FAM171A1: variants seen among roughly 807,000 people sequenced by gnomAD.
FAM171A1 encodes family with sequence similarity 171 member A1, also known as protein FAM171A1.
FAM171A1 carries 23 observed loss-of-function variants against 74.9 expected under a neutral mutation model. That is an observed-to-expected ratio of 0.31 (90% CI 0.22 to 0.44). The LOEUF is 0.44. Among genes scored for constraint, FAM171A1 ranks in the 20% least tolerant of loss-of-function variants. The pLI is 1.00. For synonymous variants in FAM171A1, 527 were observed against 505.7 expected (o/e 1.04, Z -0.57); for missense variants, 1,162 against 1,159.2 (o/e 1.00, Z -0.03).
Position 15,213,485 on chromosome 10 carries a change from C to G in FAM171A1, c.2103G>C (p.Pro701=). The part of the protein sequence containing the change: ...KALMELGGGK[P]LPHPRAWFVS... Reference sequence around the variant, plus strand: ...CGAACCACGCCCGGGGGTGCGGAAGCGGCTTCCCACCCCCAAGCTCCATCA... The same window carrying G: ...CGAACCACGCCCGGGGGTGCGGAAGGGGCTTCCCACCCCCAAGCTCCATCA... Residue 701 remains proline, a synonymous_variant, in exon 8 of 8, where the codon CCG becomes CCC. Transcript: ENST00000378116. This position sits in a 1 kb window ranked among gnomAD's most constrained non-coding sequence, Gnocchi z 6.8. 6.2e-7 allele frequency: 1 copy of G among 1,614,120 alleles called. No homozygotes were observed. Among genetic ancestry groups the G allele is most frequent in the Non-Finnish European group, 8.5e-7 (1 of 1,180,026 alleles).
In FAM171A1 at chr10:15,254,876, G is replaced by A. The variant is rs1588514645; in HGVS notation, c.422C>T (p.Ala141Val). ...VVQIVSGFQG[A>V]RPQPRVHFQR... ...GAAATGAACGCGAGGCTGTGGCCGG[G>A]CACCTGCAGAGATTAACCTCCGAGT... is the stretch of plus-strand genomic sequence containing the variant. The change falls in exon 4 of 8, where the codon GCC becomes GTC. Residue 141 changes from alanine to valine, a missense_variant. Transcript: ENST00000378116. 1 of 1,613,050 alleles carries A rather than the reference G, an allele frequency of 6.2e-7. No individual in the cohort carries two copies. Among genetic ancestry groups the A allele is most frequent in the Non-Finnish European group, 8.5e-7 (1 of 1,179,174 alleles).
At chr10:15,336,461 C>T (rs961004141) in intron 1 of FAM171A1, among the ~76,000 whole-genome samples, 1 of 152,018 alleles carries the variant, frequency 6.6e-6, no homozygotes, top group South Asian at 2.1e-4. Context: ...TGTAAGAGCA[C>T]AAAACCACAC....
Position 15,368,946 on chromosome 10 carries a change from G to A in FAM171A1, c.97+2010C>T, listed in dbSNP as rs9919422. On this transcript the variant is annotated intron_variant, in intron 1 of 7. Coordinates refer to ENST00000378116, the MANE Select transcript of FAM171A1 (RefSeq NM_001010924.2). ...GTAGTGAGACCTGATTTCTGAAAGA[G>A]TTCCTGGGCTCAAGGCTTTAAAAAG... Among the ~76,000 whole-genome samples the A allele has an allele frequency of 3.7e-3, 563 of 152,284 alleles. 1 individual carries two copies. The highest frequency in any genetic ancestry group is 0.013 in the African/African-American group (539 of 41,546).
intron 1 of FAM171A1, among the ~76,000 whole-genome samples, chr10:15,346,288 G>A (rs1333739561): frequency 1.3e-5 from 2 of 152,118 alleles, no homozygotes; most frequent in African/African-American, 4.8e-5. Flanking sequence ...TGTAGACACT[G>A]AGTCTTCCTA....
intron 5 of FAM171A1, among the ~76,000 whole-genome samples, chr10:15,226,938 G>T (rs1305327564): frequency 3.3e-5 from 5 of 152,122 alleles, no homozygotes; most frequent in Non-Finnish European, 7.3e-5. Context: ...TTACAGTTCT[G>T]TCTGAAATAA....
chr10:15,352,059 ATTTTTTTTTGTAAAAATAC>A (rs61548342), intron 1 of FAM171A1, among the ~76,000 whole-genome samples: 4,182 of 46,156 alleles, frequency 0.091, 176 homozygotes, highest in African/African-American at 0.19. Flanking sequence ...AAAAAATACA[ATTTTTTTTTGTAAAAATAC>A]AAAAAAAAAA....
chr10:15,282,576 A>G (rs1834983389), intron 2 of FAM171A1, among the ~76,000 whole-genome samples: 1 of 152,206 alleles, frequency 6.6e-6, no homozygotes, highest in Admixed American at 6.5e-5. Context: ...AACTACTGTG[A>G]ACAACGACAA....
At chr10:15,236,285 CAAAAAA>C (rs369050654) in intron 5 of FAM171A1, among the ~76,000 whole-genome samples, 1 of 137,062 alleles carries the variant, frequency 7.3e-6, no homozygotes, top group African/African-American at 2.7e-5. Flanking sequence ...ATCATGCTTC[CAAAAAA>C]AAAAAAAAAA....
chr10:15,373,951 T>C (rs1836176733), upstream of FAM171A1, among the ~76,000 whole-genome samples: 1 of 152,206 alleles, frequency 6.6e-6, no homozygotes, highest in Admixed American at 6.5e-5. Context: ...TTTAGACTTT[T>C]AGCAGCCTAA....
At position 15,370,313 on chromosome 10, in the gene FAM171A1, C is replaced by G. The variant is rs540249997; in HGVS notation, c.97+643G>C. The stretch of plus-strand genomic sequence containing the variant: ...ATTCTTTCTTCCCTTACAGAGAAGA[C>G]TCATGGGCCGCTGAGCAAATCCCTT... On this transcript the variant is annotated intron_variant, in intron 1 of 7. Coordinates refer to ENST00000378116, the MANE Select transcript of FAM171A1 (RefSeq NM_001010924.2). Among the ~76,000 whole-genome samples, 4 of 145,492 alleles carry G rather than the reference C, an allele frequency of 2.7e-5. 1 individual carries two copies. The South Asian group carries it at 8.8e-4, about 32-fold the overall frequency.
intron 1 of FAM171A1, among the ~76,000 whole-genome samples, chr10:15,356,578 A>G (rs1021875084): frequency 2.6e-5 from 4 of 152,228 alleles, no homozygotes. Flanking sequence ...AAGAAAGGGT[A>G]AACTGTGAAA....
chr10:15,285,595 T>C (rs1292594668), intron 1 of FAM171A1, among the ~76,000 whole-genome samples: 2 of 152,158 alleles, frequency 1.3e-5, no homozygotes, highest in African/African-American at 4.8e-5. Flanking sequence ...AACTCAGAAG[T>C]GCATCCTGCT....
chr10:15,308,276 G>T (rs750829955), intron 1 of FAM171A1, among the ~76,000 whole-genome samples: 4 of 152,146 alleles, frequency 2.6e-5, no homozygotes, highest in African/African-American at 4.8e-5. Context: ...CTTAGGAAGG[G>T]CATATACTCT....
At chr10:15,267,069 GT>G (rs1305541476) in intron 3 of FAM171A1, among the ~76,000 whole-genome samples, 1 of 152,132 alleles carries the variant, frequency 6.6e-6, no homozygotes, top group Non-Finnish European at 1.5e-5. Context: ...GAGTTAGAAA[GT>G]CTAGCTTCTC....
chr10:15,278,961 G>T (rs574202066), intron 2 of FAM171A1, among the ~76,000 whole-genome samples: 2 of 152,230 alleles, frequency 1.3e-5, no homozygotes, highest in Non-Finnish European at 2.9e-5. Context: ...AGATGCTGCT[G>T]GTAGGAAGCA....
At chr10:15,365,895 GT>G (rs1836055493) in intron 1 of FAM171A1, among the ~76,000 whole-genome samples, 2 of 152,288 alleles carry the variant, frequency 1.3e-5, no homozygotes, top group South Asian at 4.1e-4. Context: ...ATCAGAGAAG[GT>G]GGAGTCATCT....
chr10:15,232,333 T>C (rs1834217890), intron 5 of FAM171A1, among the ~76,000 whole-genome samples: 1 of 152,158 alleles, frequency 6.6e-6, no homozygotes, highest in South Asian at 2.1e-4. Context: ...CTCTCCACCA[T>C]CACTCTGCTT....
intron 1 of FAM171A1, among the ~76,000 whole-genome samples, chr10:15,364,068 C>T (rs1029532727): frequency 3.3e-5 from 5 of 152,106 alleles, no homozygotes; most frequent in African/African-American, 1.2e-4. Flanking sequence ...GGGGCGGTCC[C>T]TAACATTTCA....
intron 1 of FAM171A1, among the ~76,000 whole-genome samples, chr10:15,368,534 T>C (rs996095250): frequency 2.0e-5 from 3 of 152,220 alleles, no homozygotes; most frequent in Non-Finnish European, 2.9e-5. Context: ...GCAAGATTCT[T>C]ACAAATTAGC....
Sources: gnomAD v4.1 joint callset for allele counts (sites outside exome capture counted in the v4.1 genomes callset) on GRCh38, gnomAD v4.1.1 for gene constraint, Gnocchi (gnomAD v3.1) non-coding constraint, MANE v1.5 for transcripts, NCBI Gene and HGNC (gene_info 2026-07-23, HGNC 2026-07-21) for gene names.